The following SP110 variants were observed in gnomAD, a reference collection of about 807,000 sequenced individuals.
SP110 encodes the protein interferon-induced protein 41, 30kD.
In SP110, 62 loss-of-function variants were observed where a neutral mutation model predicts 92.7. The ratio of observed to expected loss-of-function variants is 0.67; its 90% CI spans 0.55 to 0.83. The LOEUF (loss-of-function observed/expected upper bound fraction) is 0.83, where lower values mean the gene tolerates loss of function less well. SP110 is among the 40% of genes least tolerant of loss of function. SP110 has a pLI of 0.00. For synonymous variants in SP110, 273 were observed against 305.3 expected (o/e 0.89, Z 1.10); for missense variants, 793 against 863.9 (o/e 0.92, Z 1.03).
intron 12 of SP110, among the ~76,000 whole-genome samples, chr2:230,178,885 A>G (rs2041989234): frequency 6.6e-6 from 1 of 152,208 alleles, no homozygotes. Flanking sequence ...AGCAGTTGCA[A>G]GAGGGTTTAA....
intron 15 of SP110, 37 bp from the exon 16 acceptor site, chr2:230,172,211 C>T (rs199806844): frequency 4.9e-5 from 65 of 1,332,224 alleles, no homozygotes; most frequent in Non-Finnish European, 1.1e-6. Flanking sequence ...GAGGGCAAAG[C>T]CCCTGGAAAT....
rs756020795 is a variant in SP110 at position 230,169,202 on chromosome 2, C to T, written c.2064G>A (p.Glu688=). 1.5e-5 allele frequency: 25 copies of T among 1,613,788 alleles called. No individual in the cohort carries two copies. Among genetic ancestry groups the T allele is most frequent in the Non-Finnish European group, 1.9e-5 (23 of 1,179,708 alleles). Residue 688 remains glutamate (E), a synonymous_variant, in exon 19 of 19, where the codon GAG becomes GAA. Transcript: ENST00000258381. ...CTTTGAGATCTTTTTCAAATTCTGC[C>T]TCTAAGTCAAGTCCTACCTGGCCAA... is the stretch of plus-strand genomic sequence containing the variant. The part of the protein sequence containing the change: ...SDFGQVGLDL[E]AEFEKDLKDV...
chr2:230,194,951 G>A (rs1305220774), intron 10 of SP110, among the ~76,000 whole-genome samples: 1 of 152,160 alleles, frequency 6.6e-6, no homozygotes, highest in African/African-American at 2.4e-5. Flanking sequence ...CTGTGCTCCA[G>A]GCACATGTGG....
upstream of SP110, chr2:230,221,644 C>A (rs1008667259): frequency 6.9e-7 from 1 of 1,458,842 alleles, no homozygotes; most frequent in East Asian, 2.5e-5. Context: ...CGCTGTGATG[C>A]AGGGGATGGC....
rs2044532769 is a variant in SP110 at position 230,211,977 on chromosome 2, G to A, written c.667+370C>T. 6.6e-6 allele frequency among the ~76,000 whole-genome samples: 1 copy of A among 152,074 alleles called. No homozygotes were observed. The highest frequency in any genetic ancestry group is 2.4e-5 in the African/African-American group (1 of 41,396). ...ATACAATTTGAGAAGCTAAATATTA[G>A]GTCTAGCAGACCTTTAAACATTTTA... On this transcript the variant is annotated intron_variant, in intron 5 of 18. Coordinates refer to ENST00000258381, the MANE Select transcript of SP110 (RefSeq NM_080424.4). The surrounding 1 kb of genome is among the most constrained non-coding windows in gnomAD (Gnocchi z 4.2).
At chr2:230,224,288 G>A (rs1574840349), upstream of SP110, among the ~76,000 whole-genome samples, 1 of 152,180 alleles carries the variant, frequency 6.6e-6, no homozygotes, top group South Asian at 2.1e-4. Context: ...ACTGCCTAAG[G>A]GCAGAGAGAA....
chr2:230,198,456 T>C (rs1284280777), intron 10 of SP110, among the ~76,000 whole-genome samples: 1 of 152,226 alleles, frequency 6.6e-6, no homozygotes, highest in African/African-American at 2.4e-5. Flanking sequence ...GTTGTTCCTC[T>C]TTCTCTGGTC....
upstream of SP110, among the ~76,000 whole-genome samples, chr2:230,224,879 T>C (rs2046145394): frequency 6.6e-6 from 1 of 152,220 alleles, no homozygotes; most frequent in Non-Finnish European, 1.5e-5. Context: ...TCTAGTCCTG[T>C]GGTTATATTT....
rs2078460681 is a variant in SP110 at position 230,172,138 on chromosome 2, C to T, written c.1743G>A (p.Arg581=). 6.2e-7 allele frequency: 1 copy of T among 1,613,442 alleles called. No individual in the cohort carries two copies. Among genetic ancestry groups the T allele is most frequent in the Non-Finnish European group, 8.5e-7 (1 of 1,179,308 alleles). ...GATGGCACTGTTGGCTTCCTGAAGA[C>T]CTCTTCATCCTGCAGAAGGTGCAAC... The part of the protein sequence containing the change: ...LWSCTFCRMK[R]SSGSQQCHHV... The change falls in exon 16 of 19, where the codon AGG becomes AGA. Residue 581 remains arginine, a synonymous_variant. Coordinates refer to ENST00000258381, the MANE Select transcript of SP110 (RefSeq NM_080424.4).
upstream of SP110, among the ~76,000 whole-genome samples, chr2:230,220,957 A>T (rs1244459355): frequency 6.6e-6 from 1 of 152,090 alleles, no homozygotes; most frequent in African/African-American, 2.4e-5. Context: ...GGCTGCGGTG[A>T]GCTATGATTG....
intron 2 of SP110, among the ~76,000 whole-genome samples, chr2:230,215,627 G>A (rs141206912): frequency 6.6e-6 from 1 of 152,298 alleles, no homozygotes; most frequent in East Asian, 1.9e-4. Flanking sequence ...TCCTTGCCTA[G>A]AGGATGGACA....
chr2:230,207,698 G>T (rs991171800), intron 8 of SP110, among the ~76,000 whole-genome samples: 5 of 152,090 alleles, frequency 3.3e-5, no homozygotes, highest in Non-Finnish European at 7.4e-5. Context: ...CTGCAAAACT[G>T]ATCTTGAATT....
At chr2:230,177,282 A>G in intron 14 of SP110, 1 of 488,592 alleles carries the variant, frequency 2.0e-6, no homozygotes, top group Non-Finnish European at 3.7e-6. Flanking sequence ...AGGTTCTTAC[A>G]TCTCTCTTCA....
intron 5 of SP110, among the ~76,000 whole-genome samples, chr2:230,212,096 T>TG (rs766557419): frequency 3.3e-5 from 5 of 152,118 alleles, no homozygotes; most frequent in Non-Finnish European, 1.5e-5. Context: ...CATAATCAGG[T>TG]GGGGGTGAGG....
chr2:230,194,338 C>T (rs574401447), intron 10 of SP110, among the ~76,000 whole-genome samples: 1 of 152,092 alleles, frequency 6.6e-6, no homozygotes, highest in East Asian at 1.9e-4. Flanking sequence ...CAGGGGCTCA[C>T]ACCTGTATCC....
At position 230,211,925 on chromosome 2, in the gene SP110, A is replaced by G. The variant is rs933831038; in HGVS notation, c.668-372T>C. 6.6e-6 allele frequency among the ~76,000 whole-genome samples: 1 copy of G among 152,230 alleles called. No homozygotes were observed. Among genetic ancestry groups the G allele is most frequent in the South Asian group, 2.1e-4 (1 of 4,834 alleles). ...ACGTTTAATGTAATCAAACTCCATTATGATGATGGTTTGGGGAGGACAAGT... is the reference window on the plus strand; with the variant it reads ...ACGTTTAATGTAATCAAACTCCATTGTGATGATGGTTTGGGGAGGACAAGT... On this transcript the variant is annotated intron_variant, in intron 5 of 18. Transcript: ENST00000258381. The surrounding 1 kb of genome is among the most constrained non-coding windows in gnomAD (Gnocchi z 4.2).
chr2:230,182,380 TA>T (rs1200748739), intron 12 of SP110, among the ~76,000 whole-genome samples: 1 of 152,134 alleles, frequency 6.6e-6, no homozygotes, highest in East Asian at 1.9e-4. Context: ...GATGGGTTGA[TA>T]GGTGCAGCAA....
Position 230,200,929 on chromosome 2 carries a change from T to C in SP110, c.1085A>G (p.Lys362Arg), listed in dbSNP as rs1312410116. ...IDGTSEMNEG[K>R]RSQKTPSTPR... is the part of the protein sequence containing the mutation. ...TGTACTAGGCGTCTTCTGGGACCTC[T>C]TTCCTTCATTCATTTCTGAAGTGCC... Residue 362 changes from lysine to arginine, a missense_variant, in exon 10 of 19, where the codon AAG becomes AGG. Lys to Arg is a conservative substitution (Grantham distance 26). Coordinates refer to ENST00000258381, the MANE Select transcript of SP110 (RefSeq NM_080424.4). 2 of 1,613,878 alleles carry C rather than the reference T, an allele frequency of 1.2e-6. No individual in the cohort carries two copies. Among genetic ancestry groups the C allele is most frequent in the African/African-American group, 2.7e-5 (2 of 74,928 alleles).
chr2:230,171,826 C>T (rs1345663004), intron 16 of SP110, 59 bp from the exon 17 acceptor site: 28 of 1,345,442 alleles, frequency 2.1e-5, no homozygotes, highest in African/African-American at 4.3e-5. Context: ...TGAAGCCAGG[C>T]GAGTGTCTAG....
Sources: gnomAD v4.1 joint callset for allele counts (sites outside exome capture counted in the v4.1 genomes callset) on GRCh38, gnomAD v4.1.1 for gene constraint, Gnocchi (gnomAD v3.1) non-coding constraint, MANE v1.5 for transcripts, NCBI Gene and HGNC (gene_info 2026-07-23, HGNC 2026-07-21) for gene names.